The following ITGB2 variants were observed in gnomAD, a reference collection of about 807,000 sequenced individuals.
ITGB2 encodes integrin subunit beta 2.
In ITGB2, 56 loss-of-function variants were observed where a neutral mutation model predicts 86.8. That is an observed-to-expected ratio of 0.65 (90% CI 0.52 to 0.81). The LOEUF (loss-of-function observed/expected upper bound fraction) is 0.81. Ranked by LOEUF, ITGB2 falls within the 30% of genes least tolerant of loss-of-function variation. The probability of loss-of-function intolerance (pLI) is 0.00; values close to 1 mark genes in which losing one functional copy is unlikely to be tolerated. For missense variants in ITGB2, 948 were observed against 1,061.2 expected, an observed-to-expected ratio of 0.89 and a Z score of 1.48; for synonymous variants, 457 against 450.4, an observed-to-expected ratio of 1.01 and a Z score of -0.19.
chr21:44,906,153 T>TTCTCTCCCTTCCC (rs2084039394), intron 4 of ITGB2, among the ~76,000 whole-genome samples: 1 of 119,104 alleles, frequency 8.4e-6, no homozygotes, highest in African/African-American at 3.1e-5. Flanking sequence ...CTTCCCTCCC[T>TTCTCTCCCTTCCC]TCCCTCCCTT....
In ITGB2 at chr21:44,901,578, T is replaced by C; in HGVS notation, c.655A>G (p.Thr219Ala). 1 of 1,614,254 alleles carries C rather than the reference T, an allele frequency of 6.2e-7. No individual in the cohort carries two copies. The highest frequency in any genetic ancestry group is 8.5e-7 in the Non-Finnish European group (1 of 1,180,042). ...KLTNNSNQFQ[T>A]EVGKQLISGN... ...GAAATCAGCTGCTTCCCGACCTCGG[T>C]CTGAAACTGGTTGGAGTTGTTGGTC... Residue 219 changes from threonine to alanine, a missense_variant, in exon 6 of 16, where the codon ACC becomes GCC. Thr to Ala is a moderately conservative substitution (Grantham distance 58). Coordinates refer to ENST00000652462, the MANE Select transcript of ITGB2 (RefSeq NM_000211.5).
At chr21:44,907,242 G>A (rs1158605078) in intron 3 of ITGB2, 147 bp from the exon 4 acceptor site, 3 of 648,084 alleles carry the variant, frequency 4.6e-6, no homozygotes, top group African/African-American at 1.8e-5. Flanking sequence ...ACAGAGACAG[G>A]GAGCTCCTTC....
chr21:44,900,781 C>T (rs2083943751), intron 6 of ITGB2, among the ~76,000 whole-genome samples: 1 of 152,220 alleles, frequency 6.6e-6, no homozygotes, highest in Admixed American at 6.5e-5. Flanking sequence ...AGGAAACCAT[C>T]CCCAAGGGGA....
intron 4 of ITGB2, among the ~76,000 whole-genome samples, chr21:44,906,613 T>C (rs2084045702): frequency 6.6e-6 from 1 of 151,920 alleles, no homozygotes. Flanking sequence ...AATGGAATAG[T>C]GTTTTGCAAA....
At chr21:44,910,573 G>C in intron 2 of ITGB2, 152 bp downstream of exon 2, 1 of 1,381,298 alleles carries the variant, frequency 7.2e-7, no homozygotes, top group Non-Finnish European at 1.0e-6. Flanking sequence ...GGCACGTGCG[G>C]AGACGAGGCC....
chr21:44,916,201 G>A (rs939182312), intron 1 of ITGB2, among the ~76,000 whole-genome samples: 6 of 152,078 alleles, frequency 3.9e-5, no homozygotes, highest in African/African-American at 9.7e-5. Context: ...GATTACAGGC[G>A]TGAGCCACTG....
intron 4 of ITGB2, among the ~76,000 whole-genome samples, 171 bp downstream of exon 4, chr21:44,906,744 T>G (rs1412594181): frequency 3.3e-5 from 5 of 152,126 alleles, no homozygotes; most frequent in Non-Finnish European, 7.4e-5. Context: ...GGAAGGGCAC[T>G]GAGGAGCTCA....
Position 44,900,473 on chromosome 21 carries a change from C to T in ITGB2, c.744G>A (p.Glu248=), listed in dbSNP as rs1404784957. 6.2e-7 allele frequency: 1 copy of T among 1,613,974 alleles called. No individual in the cohort carries two copies. The change falls in exon 7 of 16, where the codon GAG becomes GAA. Residue 248 remains glutamate, a splice_region_variant and synonymous_variant. Transcript: ENST00000652462. ...GCGTGACGTTGCGCCAGCCGATTTCCTCCTGAGAAGAAGGCGTGGGGGGCA... is the reference window on the plus strand; with the variant it reads ...GCGTGACGTTGCGCCAGCCGATTTCTTCCTGAGAAGAAGGCGTGGGGGGCA... ...DAMMQVAACP[E]EIGWRNVTRL...
At position 44,908,358 on chromosome 21, in the gene ITGB2, T is replaced by C. The variant is rs113775753; in HGVS notation, c.148-1263A>G. On this transcript the variant is annotated intron_variant, in intron 3 of 15. Coordinates refer to ENST00000652462, the MANE Select transcript of ITGB2 (RefSeq NM_000211.5). ...AACAGAAGTAAGATAAATAGCCAGA[T>C]GACCTTGGCGCCACCACCCGGCCCT... Among the ~76,000 whole-genome samples the C allele has an allele frequency of 8.0e-3, 1,180 of 147,382 alleles. 17 individuals carry two copies. Among genetic ancestry groups the C allele is most frequent in the African/African-American group, 0.027 (1,093 of 40,436 alleles).
At chr21:44,915,496 C>T (rs1440815302) in intron 1 of ITGB2, among the ~76,000 whole-genome samples, 3 of 152,128 alleles carry the variant, frequency 2.0e-5, no homozygotes, top group Admixed American at 2.0e-4. Flanking sequence ...CGGAGGTGCG[C>T]GGGAAGTGAT....
Position 44,888,831 on chromosome 21 carries a change from G to T in ITGB2, c.1942C>A (p.Pro648Thr), listed in dbSNP as rs748911776. The T allele has an allele frequency of 1.2e-6, 2 of 1,610,590 alleles. No homozygotes were observed. Among genetic ancestry groups the T allele is most frequent in the Non-Finnish European group, 1.7e-6 (2 of 1,179,970 alleles). ...PFGKNCSAAC[P>T]GLQLSNNPVK... ...GGGTTGTTCGACAGCTGCAGGCCCG[G>T]ACACGCCGCGCTGCAGTTCTTCCCA... The change falls in exon 14 of 16, where the codon CCG becomes ACG. Residue 648 changes from proline to threonine, a missense_variant. Physicochemically the swap from Pro to Thr is conservative, Grantham distance 38 (BLOSUM62 -1). Coordinates refer to ENST00000652462, the MANE Select transcript of ITGB2 (RefSeq NM_000211.5).
At position 44,907,036 on chromosome 21, in the gene ITGB2, G is replaced by A. The variant is rs1449941215; in HGVS notation, c.207C>T (p.Leu69=). The A allele has an allele frequency of 6.2e-7, 1 of 1,613,604 alleles. No homozygotes were observed. The highest frequency in any genetic ancestry group is 2.2e-5 in the East Asian group (1 of 44,862). ...TGTCGTCAGCCGCACAGCCCCTCAT[G>A]AGCAGCTGTGGCCGGGTGTCGCAGC... ...SIRCDTRPQL[L]MRGCAADDIM... The change falls in exon 4 of 16, where the codon CTC becomes CTT. Residue 69 remains leucine, a synonymous_variant. Coordinates refer to ENST00000652462, the MANE Select transcript of ITGB2 (RefSeq NM_000211.5).
rs752903416 is a variant in ITGB2, at chr21:44,893,511, C to T, written c.1117G>A (p.Ala373Thr). Residue 373 changes from alanine (A) to threonine (T), a missense_variant, in exon 10 of 16, where the codon GCC becomes ACC. By Grantham distance (58) the Ala-to-Thr change is moderately conservative (BLOSUM62 0). Coordinates refer to ENST00000652462, the MANE Select transcript of ITGB2 (RefSeq NM_000211.5). ...GTGACTTTCAGGGTGTCGGGGAGGG[C>T]GTTGTGATCCAGGAAGACCCTGGAG... The part of the protein sequence containing the change: ...LSSRVFLDHN[A>T]LPDTLKVTYD... The T allele has an allele frequency of 1.7e-5, 28 of 1,614,018 alleles. No homozygotes were observed. Among genetic ancestry groups the T allele is most frequent in the Middle Eastern group, 1.6e-4 (1 of 6,062 alleles).
upstream of ITGB2, among the ~76,000 whole-genome samples, chr21:44,924,639 C>G (rs190517571): frequency 1.3e-5 from 2 of 152,198 alleles, no homozygotes; most frequent in East Asian, 1.9e-4. Context: ...GCCAAATTCA[C>G]GGACACAATT....
At chr21:44,900,885 G>C (rs147133583) in intron 6 of ITGB2, among the ~76,000 whole-genome samples, 110 of 152,326 alleles carry the variant, frequency 7.2e-4, no homozygotes, top group African/African-American at 2.5e-3. Flanking sequence ...GTCCACCATT[G>C]ACAGCCCCTG....
chr21:44,890,062 G>A lies in ITGB2; in HGVS notation c.1573C>T (p.Pro525Ser). The stretch of plus-strand genomic sequence containing the variant: ...TACTGCCCGTATATCAGCTTGCCGG[G>A]GACGTCGCTGGTGTGGCACAGGCAC... ...GQCLCHTSDV[P>S]GKLIYGQYCE... The change falls in exon 12 of 16, where the codon CCC becomes TCC. Residue 525 changes from proline (P) to serine (S), a missense_variant. Pro to Ser is a moderately conservative substitution (Grantham distance 74). Coordinates refer to ENST00000652462, the MANE Select transcript of ITGB2 (RefSeq NM_000211.5). The A allele has an allele frequency of 1.9e-6, 3 of 1,613,520 alleles. No individual in the cohort carries two copies. Among genetic ancestry groups the A allele is most frequent in the Non-Finnish European group, 2.5e-6 (3 of 1,180,028 alleles).
At chr21:44,890,259 C>T in intron 11 of ITGB2, 37 bp from the exon 12 acceptor site, 1 of 1,611,726 alleles carries the variant, frequency 6.2e-7, no homozygotes, top group Non-Finnish European at 8.5e-7. Flanking sequence ...AGGCTCCCCC[C>T]AGTGATGTGG....
chr21:44,895,052 G>A lies in ITGB2; in HGVS notation c.1002C>T (p.Thr334=), dbSNP rs61737081. 2.0e-3 allele frequency: 3,219 copies of A among 1,613,094 alleles called. 49 individuals carry two copies. The African/African-American group carries it at 0.034, about 17-fold the overall frequency. The change falls in exon 9 of 16, where the codon ACC becomes ACT. Residue 334 remains threonine (T), a synonymous_variant. Transcript: ENST00000652462. ...CCACGGCTGACTTGGGGATGATCTC[G>A]GTGAGTTTCTGTTGGGCAAGAAGAC... ...SRMVKTYEKL[T]EIIPKSAVGE... is the part of the protein sequence containing the mutation.
chr21:44,901,402 G>T, intron 6 of ITGB2, 90 bp downstream of exon 6: 11 of 1,508,380 alleles, frequency 7.3e-6, no homozygotes, highest in Non-Finnish European at 9.8e-6. Flanking sequence ...CGACCTGCCG[G>T]CCAGGGTACC....
Sources: allele counts gnomAD v4.1 joint callset (sites outside exome capture counted in the v4.1 genomes callset), GRCh38; gene constraint gnomAD v4.1.1; transcripts MANE v1.5; gene names NCBI Gene and HGNC (gene_info 2026-07-23, HGNC 2026-07-21).